Variants in BCR observed in about 807,000 individuals in gnomAD.
BCR encodes the protein breakpoint cluster region protein.
In BCR, 58 loss-of-function variants were observed where a neutral mutation model predicts 138.6. The ratio of observed to expected loss-of-function variants is 0.42; its 90% CI spans 0.34 to 0.52. The LOEUF (loss-of-function observed/expected upper bound fraction) is 0.52, where lower values mean the gene tolerates loss of function less well. Among genes scored for constraint, BCR ranks in the 20% least tolerant of loss-of-function variants. The pLI is 0.06. For missense variants in BCR, 1,599 were observed against 1,727.2 expected, an observed-to-expected ratio of 0.93 and a Z score of 1.32; for synonymous variants, 786 against 730.1, an observed-to-expected ratio of 1.08 and a Z score of -1.23.
At position 23,180,983 on chromosome 22, in the gene BCR, C is replaced by T. The variant is rs767433795; in HGVS notation, c.23C>T (p.Ala8Val). 3 of 1,423,020 alleles carry T rather than the reference C, an allele frequency of 2.1e-6. No homozygotes were observed. Among genetic ancestry groups the T allele is most frequent in the Non-Finnish European group, 1.9e-6 (2 of 1,072,536 alleles). The allele number at this position is 1,423,020 out of a possible 1,614,324, so 88.1% of individuals were successfully genotyped here. ...GCCATGGTGGACCCGGTGGGCTTCG[C>T]GGAGGCGTGGAAGGCGCAGTTCCCG... is the stretch of plus-strand genomic sequence containing the variant. MVDPVGF[A>V]EAWKAQFPDS... Residue 8 changes from alanine (A) to valine (V), a missense_variant, in exon 1 of 23, where the codon GCG (alanine) becomes GTG (valine). By Grantham distance (64) the Ala-to-Val change is moderately conservative. Coordinates refer to ENST00000305877, the MANE Select transcript of BCR (RefSeq NM_004327.4).
At chr22:23,274,162 A>C (rs1448496306) in intron 8 of BCR, among the ~76,000 whole-genome samples, 1 of 152,128 alleles carries the variant, frequency 6.6e-6, no homozygotes, top group Non-Finnish European at 1.5e-5. Flanking sequence ...GAATCCTCCT[A>C]CTTCCCCCTG....
At chr22:23,221,192 G>A (rs2072820361) in intron 1 of BCR, among the ~76,000 whole-genome samples, 1 of 152,198 alleles carries the variant, frequency 6.6e-6, no homozygotes, top group Non-Finnish European at 1.5e-5. Flanking sequence ...CAAATTGGAG[G>A]ATGGCGATGC....
chr22:23,259,199 G>A (rs1024874885), intron 2 of BCR, among the ~76,000 whole-genome samples: 1 of 152,248 alleles, frequency 6.6e-6, no homozygotes, highest in African/African-American at 2.4e-5. Flanking sequence ...CAGACTGGGG[G>A]GCTTAAAGAA....
chr22:23,260,765 G>C, intron 2 of BCR, 185 bp from the exon 3 acceptor site: 2 of 594,680 alleles, frequency 3.4e-6, no homozygotes, highest in Non-Finnish European at 6.1e-6. Context: ...GATTCTCAGT[G>C]ACTGTGAGTG....
At chr22:23,257,587 C>T (rs2073308829) in intron 2 of BCR, among the ~76,000 whole-genome samples, 1 of 152,246 alleles carries the variant, frequency 6.6e-6, no homozygotes, top group African/African-American at 2.4e-5. Context: ...CACCTCTTCT[C>T]CTCTTGTGGA....
Position 23,253,986 on chromosome 22 carries a change from TCC to T in BCR, c.1461+9_1461+10del. The T allele has an allele frequency of 6.2e-7, 1 of 1,608,316 alleles. No individual in the cohort carries two copies. The highest frequency in any genetic ancestry group is 8.5e-7 in the Non-Finnish European group (1 of 1,177,458). On this transcript the variant is annotated splice_region_variant and intron_variant, in intron 2 of 22. Coordinates refer to ENST00000305877, the MANE Select transcript of BCR (RefSeq NM_004327.4). ...CCCTGGAGTCCACTAAAGCGGTGAGTCCCCATGGTGTACGTGTGGCAGGAGGG... is the reference window on the plus strand; with the variant it reads ...CCCTGGAGTCCACTAAAGCGGTGAGTCCATGGTGTACGTGTGGCAGGAGGG...
At chr22:23,205,133 A>AG (rs2146213232) in intron 1 of BCR, among the ~76,000 whole-genome samples, 1 of 152,326 alleles carries the variant, frequency 6.6e-6, no homozygotes, top group Admixed American at 6.5e-5. Context: ...TCCTTCCTGC[A>AG]GGGAAAGCCT....
chr22:23,202,465 C>A (rs1011729534), intron 1 of BCR, among the ~76,000 whole-genome samples: 2 of 152,022 alleles, frequency 1.3e-5, no homozygotes, highest in Non-Finnish European at 2.9e-5. Context: ...GAACTCTTTC[C>A]ACCTTGCAAA....
intron 4 of BCR, among the ~76,000 whole-genome samples, chr22:23,266,101 T>C (rs2073437644): frequency 6.6e-6 from 1 of 152,130 alleles, no homozygotes; most frequent in African/African-American, 2.4e-5. Flanking sequence ...TTCTTTTTCC[T>C]TGAGATAGAG....
intron 10 of BCR, among the ~76,000 whole-genome samples, chr22:23,286,636 C>T (rs1568974011): frequency 6.6e-6 from 1 of 152,164 alleles, no homozygotes; most frequent in Non-Finnish European, 1.5e-5. Context: ...ACAGTTTTCT[C>T]CTCCCCAGGG....
Position 23,181,231 on chromosome 22 carries a change from C to A in BCR, c.271C>A (p.Arg91=). ...GGCCCCCGACGGCGCCTCCGAGCCC[C>A]GAGCGTCCGCGTCGCGCCCGCAGCC... ...AQAPDGASEP[R]ASASRPQPAP... The change falls in exon 1 of 23, where the codon CGA becomes AGA. Residue 91 remains arginine, a synonymous_variant. Coordinates refer to ENST00000305877, the MANE Select transcript of BCR (RefSeq NM_004327.4). The A allele has an allele frequency of 8.1e-7, 1 of 1,236,302 alleles. No individual in the cohort carries two copies. The highest frequency in any genetic ancestry group is 1.0e-6 in the Non-Finnish European group (1 of 980,432). The allele number at this position is 1,236,302 out of a possible 1,614,324, so 76.6% of individuals were successfully genotyped here. A position where few individuals can be genotyped will look rare whatever the true frequency, so the allele number is the denominator to read the frequency against.
chr22:23,263,885 A>C, intron 4 of BCR: 1 of 959,728 alleles, frequency 1.0e-6, no homozygotes, highest in Non-Finnish European at 1.7e-6. Context: ...TCAGGCCATT[A>C]CTCAGCTCTT....
intron 1 of BCR, among the ~76,000 whole-genome samples, chr22:23,250,565 C>T (rs1236231863): frequency 3.9e-5 from 6 of 152,154 alleles, no homozygotes; most frequent in East Asian, 1.9e-4. Flanking sequence ...ATTTAGTAGA[C>T]GCTGACAATT....
In BCR at chr22:23,289,470, C is replaced by G. The variant is rs181731916; in HGVS notation, c.2603-47C>G. 50 of 1,522,852 alleles carry G rather than the reference C, an allele frequency of 3.3e-5. No individual in the cohort carries two copies. The Admixed American group carries it at 5.7e-4, about 17-fold the overall frequency. The allele number at this position is 1,522,852 out of a possible 1,614,324, so 94.3% of individuals were successfully genotyped here. On this transcript the variant is annotated intron_variant, in intron 12 of 22. Coordinates refer to ENST00000305877, the MANE Select transcript of BCR (RefSeq NM_004327.4). ...GGTCCAGTGGGAGGGGCCAGAGGGC[C>G]AAGGAGCAGATTGACCAATTGGTGC...
intron 1 of BCR, among the ~76,000 whole-genome samples, chr22:23,187,126 A>G (rs1383246807): frequency 6.6e-6 from 1 of 152,206 alleles, no homozygotes; most frequent in African/African-American, 2.4e-5. Context: ...ACATACTGGA[A>G]GAGCCCTTCC....
chr22:23,300,499 G>A (rs1165980403), intron 16 of BCR, among the ~76,000 whole-genome samples: 4 of 152,150 alleles, frequency 2.6e-5, no homozygotes, highest in African/African-American at 9.7e-5. Context: ...GTGCTGTTGT[G>A]CACATGGACA....
At chr22:23,288,252 CT>C in intron 12 of BCR, 80 bp downstream of exon 12, 4 of 1,392,276 alleles carry the variant, frequency 2.9e-6, no homozygotes, top group African/African-American at 1.4e-5. Flanking sequence ...TTTAAACCTT[CT>C]TTTTTATTTC....
intron 1 of BCR, among the ~76,000 whole-genome samples, chr22:23,248,691 C>G (rs1364257902): frequency 1.3e-5 from 2 of 152,180 alleles, no homozygotes; most frequent in Admixed American, 6.5e-5. Flanking sequence ...GCTGTCTGCA[C>G]TGGACTTCCT....
intron 1 of BCR, among the ~76,000 whole-genome samples, chr22:23,209,630 C>T (rs1390216580): frequency 6.6e-6 from 1 of 151,640 alleles, no homozygotes; most frequent in Non-Finnish European, 1.5e-5. Flanking sequence ...TGCAACCTCC[C>T]CTGCCTCCCG....
Sources: allele counts gnomAD v4.1 joint callset (sites outside exome capture counted in the v4.1 genomes callset), GRCh38; gene constraint gnomAD v4.1.1; transcripts MANE v1.5; gene names NCBI Gene and HGNC (gene_info 2026-07-23, HGNC 2026-07-21).